MLLT3: variants seen among roughly 807,000 people sequenced by gnomAD.
MLLT3 encodes the protein MLLT3 super elongation complex subunit.
A neutral mutation model predicts 53.2 loss-of-function variants in MLLT3; 4 were observed. The ratio of observed to expected loss-of-function variants is 0.08; its 90% CI spans 0.04 to 0.17. The LOEUF (loss-of-function observed/expected upper bound fraction) is 0.17, where lower values mean the gene tolerates loss of function less well. Among genes scored for constraint, MLLT3 ranks in the 10% least tolerant of loss-of-function variants. The pLI is 1.00. For synonymous variants in MLLT3, 283 were observed against 230.6 expected, an observed-to-expected ratio of 1.23 and a Z score of -2.06; for missense variants, 569 against 684.0, an observed-to-expected ratio of 0.83 and a Z score of 1.87.
chr9:20,551,652 T>A (rs1304911381), intron 2 of MLLT3, among the ~76,000 whole-genome samples: 1 of 152,166 alleles, frequency 6.6e-6, no homozygotes, highest in Non-Finnish European at 1.5e-5. Flanking sequence ...ACTTGCTCAT[T>A]GATCAAGGTG....
intron 4 of MLLT3, among the ~76,000 whole-genome samples, chr9:20,434,224 C>A (rs1586946503): frequency 1.3e-5 from 2 of 152,140 alleles, no homozygotes; most frequent in East Asian, 3.9e-4. Flanking sequence ...AGTGCTAATT[C>A]CTGACTTGGA....
Position 20,346,393 on chromosome 9 carries a change from A to C in MLLT3, c.*50T>G, listed in dbSNP as rs878969607. On this transcript the variant is annotated 3_prime_UTR_variant, in exon 11 of 11. Coordinates refer to ENST00000380338, the MANE Select transcript of MLLT3 (RefSeq NM_004529.4). Reference sequence around the variant, plus strand: ...AAAATCACAACCAAAAAAAAAAAAAACCAAAAAAAAAAAACACAATAGTTC... The same window carrying C: ...AAAATCACAACCAAAAAAAAAAAAACCCAAAAAAAAAAAACACAATAGTTC... 1.8e-4 allele frequency: 243 copies of C among 1,333,376 alleles called. No individual in the cohort carries two copies. The highest frequency in any genetic ancestry group is 6.3e-4 in the East Asian group (23 of 36,394). The allele number at this position is 1,333,376 out of a possible 1,614,324, so 82.6% of individuals were successfully genotyped here. A position where few individuals can be genotyped will look rare whatever the true frequency, so the allele number is the denominator to read the frequency against.
intron 4 of MLLT3, among the ~76,000 whole-genome samples, chr9:20,417,048 T>C (rs1822888733): frequency 6.7e-6 from 1 of 149,532 alleles, no homozygotes; most frequent in Non-Finnish European, 1.5e-5. Flanking sequence ...TATATACATA[T>C]GGGGGTCTTG....
chr9:20,570,580 C>T (rs1296471126), intron 2 of MLLT3, among the ~76,000 whole-genome samples: 1 of 152,112 alleles, frequency 6.6e-6, no homozygotes, highest in Non-Finnish European at 1.5e-5. Context: ...GACATATGTA[C>T]ATTTATGACA....
At chr9:20,593,060 A>G (rs1362591158) in intron 2 of MLLT3, among the ~76,000 whole-genome samples, 1 of 152,206 alleles carries the variant, frequency 6.6e-6, no homozygotes, top group Admixed American at 6.5e-5. Context: ...AACTTAATAA[A>G]AGCTCAAATT....
chr9:20,411,684 A>T (rs1171189226), intron 5 of MLLT3: 1 of 152,196 alleles, frequency 6.6e-6, no homozygotes, highest in Non-Finnish European at 1.5e-5. Flanking sequence ...ATTCCAGAAG[A>T]CTTTTCAAGG....
At chr9:20,511,757 CGCACACACAT>C (rs1449122742) in intron 2 of MLLT3, among the ~76,000 whole-genome samples, 1 of 152,010 alleles carries the variant, frequency 6.6e-6, no homozygotes, top group East Asian at 1.9e-4. Context: ...CATACATATG[CGCACACACAT>C]GCACACACAC....
chr9:20,368,056 G>C (rs1429222257), intron 5 of MLLT3, among the ~76,000 whole-genome samples: 1 of 152,230 alleles, frequency 6.6e-6, no homozygotes, highest in Non-Finnish European at 1.5e-5. Context: ...GCAGCAGGCG[G>C]CCTACCAACC....
At chr9:20,387,424 C>A (rs543602272) in intron 5 of MLLT3, among the ~76,000 whole-genome samples, 37 of 152,330 alleles carry the variant, frequency 2.4e-4, no homozygotes, top group African/African-American at 8.9e-4. Flanking sequence ...TATCCTATTA[C>A]TGGTCTATTT....
At chr9:20,442,539 G>C (rs1823580825) in intron 4 of MLLT3, among the ~76,000 whole-genome samples, 1 of 152,094 alleles carries the variant, frequency 6.6e-6, no homozygotes, top group Non-Finnish European at 1.5e-5. Context: ...CCATACAGTT[G>C]AGAAATTAGA....
intron 5 of MLLT3, chr9:20,382,518 T>C (rs893980950): frequency 6.6e-6 from 1 of 151,866 alleles, no homozygotes; most frequent in African/African-American, 2.4e-5. Context: ...CACATGTATA[T>C]TTAGATTAGA....
Position 20,413,838 on chromosome 9 carries a change from T to C in MLLT3, c.1008A>G (p.Gly336=). The C allele has an allele frequency of 6.2e-7, 1 of 1,614,094 alleles. No homozygotes were observed. The highest frequency in any genetic ancestry group is 8.5e-7 in the Non-Finnish European group (1 of 1,180,018). Reference sequence around the variant, plus strand: ...ATGTCTCACTTTCAATTTTGACCTTTCCCATCTTGACATGAGATTTATCTT... The same window carrying C: ...ATGTCTCACTTTCAATTTTGACCTTCCCCATCTTGACATGAGATTTATCTT... The part of the protein sequence containing the change: ...QIKDKSHVKM[G]KVKIESETSE... Residue 336 remains glycine, a synonymous_variant, in exon 5 of 11, where the codon GGA becomes GGG. Coordinates refer to ENST00000380338, the MANE Select transcript of MLLT3 (RefSeq NM_004529.4).
Position 20,343,151 on chromosome 9 carries a change from T to A in MLLT3, c.*3292A>T, listed in dbSNP as rs528452196. ...CTAAAATTGTTTCTTCTCTTTTTTT[T>A]AAAGATTAGGTGGGCCTGTAAAAGA... is the stretch of plus-strand genomic sequence containing the variant. On this transcript the variant is annotated 3_prime_UTR_variant, in exon 11 of 11. Transcript: ENST00000380338. The A allele has an allele frequency of 3.7e-5, 5 of 136,646 alleles. No individual in the cohort carries two copies. The highest frequency in any genetic ancestry group is 2.6e-4 in the South Asian group (1 of 3,858). 8.5% of individuals were successfully genotyped at this position (136,646 alleles called of 1,614,324 possible). A position where few individuals can be genotyped will look rare whatever the true frequency, so the allele number is the denominator to read the frequency against.
chr9:20,566,658 A>G (rs1819384910), intron 2 of MLLT3, among the ~76,000 whole-genome samples: 1 of 152,160 alleles, frequency 6.6e-6, no homozygotes, highest in African/African-American at 2.4e-5. Context: ...TAGTTGCTCA[A>G]TAAATATTTA....
chr9:20,612,117 A>C (rs1820717707), intron 2 of MLLT3, among the ~76,000 whole-genome samples: 1 of 152,192 alleles, frequency 6.6e-6, no homozygotes, highest in Admixed American at 6.5e-5. Flanking sequence ...TGCTAATATA[A>C]GTGAATTATT....
intron 2 of MLLT3, among the ~76,000 whole-genome samples, chr9:20,496,529 T>C (rs557786455): frequency 1.3e-5 from 2 of 152,258 alleles, no homozygotes; most frequent in East Asian, 3.9e-4. Context: ...GTTAGGTTCA[T>C]AACACGCACT....
intron 2 of MLLT3, among the ~76,000 whole-genome samples, chr9:20,579,285 A>G (rs540127171): frequency 6.6e-6 from 1 of 152,172 alleles, no homozygotes; most frequent in Non-Finnish European, 1.5e-5. Flanking sequence ...TGGGAAAATC[A>G]CTTGAGCACA....
At chr9:20,554,758 G>A (rs1819011564) in intron 2 of MLLT3, among the ~76,000 whole-genome samples, 1 of 152,042 alleles carries the variant, frequency 6.6e-6, no homozygotes, top group South Asian at 2.1e-4. Flanking sequence ...TTAGTACAAG[G>A]CATCTTGTTT....
intron 2 of MLLT3, among the ~76,000 whole-genome samples, chr9:20,583,265 G>T (rs1819850700): frequency 6.6e-6 from 1 of 152,148 alleles, no homozygotes; most frequent in African/African-American, 2.4e-5. Flanking sequence ...CGTGGTCTTG[G>T]ACAACTCTGC....
Sources: allele counts gnomAD v4.1 joint callset (sites outside exome capture counted in the v4.1 genomes callset), GRCh38; gene constraint gnomAD v4.1.1; transcripts MANE v1.5; gene names NCBI Gene and HGNC (gene_info 2026-07-23, HGNC 2026-07-21).